The following GALNT17 variants were observed in gnomAD, a reference collection of about 807,000 sequenced individuals.
GALNT17 encodes the protein UDP-GalNAc:polypeptide N-acetylgalactosaminyltransferase-like 3.
In GALNT17, 29 loss-of-function variants were observed where a neutral mutation model predicts 63.7. That is an observed-to-expected ratio of 0.46 (90% confidence interval 0.34 to 0.62). GALNT17 has a LOEUF of 0.62. Among genes scored for constraint, GALNT17 ranks in the 20% least tolerant of loss-of-function variants. The pLI, the probability that GALNT17 is intolerant of heterozygous loss-of-function variation, is 0.01. For synonymous variants in GALNT17, 305 were observed against 318.3 expected (o/e 0.96, Z 0.45); for missense variants, 603 against 799.6 (o/e 0.75, Z 2.97).
intron 1 of GALNT17, among the ~76,000 whole-genome samples, chr7:71,224,887 A>G (rs553750214): frequency 1.3e-5 from 2 of 152,022 alleles, no homozygotes; most frequent in East Asian, 1.9e-4. Flanking sequence ...TGAATATTCA[A>G]CCCATGAACC....
chr7:71,145,647 C>T (rs1008170521), intron 1 of GALNT17, among the ~76,000 whole-genome samples: 10 of 152,142 alleles, frequency 6.6e-5, no homozygotes, highest in African/African-American at 2.4e-4. Flanking sequence ...GGTTTATTTT[C>T]ATTTCTCCCC....
chr7:71,451,530 G>A (rs934449263), intron 5 of GALNT17, among the ~76,000 whole-genome samples: 4 of 151,620 alleles, frequency 2.6e-5, no homozygotes, highest in East Asian at 1.9e-4. Flanking sequence ...CCTTATTCTC[G>A]GTTCCCCTCT....
chr7:71,382,593 G>A (rs773640981), intron 2 of GALNT17, among the ~76,000 whole-genome samples: 15 of 152,100 alleles, frequency 9.9e-5, no homozygotes, highest in Non-Finnish European at 1.5e-4. Flanking sequence ...TGCAGTAACC[G>A]AAACGAGGTG....
At chr7:71,170,737 G>A (rs1392472205) in intron 1 of GALNT17, among the ~76,000 whole-genome samples, 1 of 152,098 alleles carries the variant, frequency 6.6e-6, no homozygotes, top group East Asian at 1.9e-4. Flanking sequence ...ACTGGCAAAG[G>A]GATGGCTGAT....
chr7:71,477,682 C>T (rs1194116037), intron 5 of GALNT17, among the ~76,000 whole-genome samples: 1 of 151,866 alleles, frequency 6.6e-6, no homozygotes, highest in Non-Finnish European at 1.5e-5. Context: ...GGCCAAGATC[C>T]TGTATCTAAA....
intron 2 of GALNT17, among the ~76,000 whole-genome samples, chr7:71,338,574 C>T (rs1450811762): frequency 3.9e-5 from 6 of 152,002 alleles, no homozygotes; most frequent in Non-Finnish European, 8.8e-5. Flanking sequence ...TTATTTTGTG[C>T]TCTCAGATTT....
chr7:71,180,563 C>G (rs1788717692), intron 1 of GALNT17, among the ~76,000 whole-genome samples: 1 of 152,256 alleles, frequency 6.6e-6, no homozygotes, highest in Non-Finnish European at 1.5e-5. Context: ...TCAAGATGCC[C>G]TTGGGAATGT....
At chr7:71,183,720 A>AC (rs1788777414) in intron 1 of GALNT17, among the ~76,000 whole-genome samples, 1 of 152,032 alleles carries the variant, frequency 6.6e-6, no homozygotes, top group African/African-American at 2.4e-5. Flanking sequence ...AACATGGTGA[A>AC]ACCCCCACTG....
chr7:71,312,643 C>T lies in GALNT17; in HGVS notation c.239-22907C>T, dbSNP rs1157077455. Among the ~76,000 whole-genome samples, 6 of 152,166 alleles carry T rather than the reference C, an allele frequency of 3.9e-5. No individual in the cohort carries two copies. The East Asian group carries it at 1.2e-3, about 29-fold the overall frequency. On this transcript the variant is annotated intron_variant, in intron 1 of 10. Coordinates refer to ENST00000333538, the MANE Select transcript of GALNT17 (RefSeq NM_022479.3). ...GTGACCTTCTCACTCCCTCTTCACA[C>T]AGTCTTTGCTCTGTGTGCATATCTC...
chr7:71,281,187 AC>A, intron 1 of GALNT17, among the ~76,000 whole-genome samples: 1 of 152,236 alleles, frequency 6.6e-6, no homozygotes, highest in Non-Finnish European at 1.5e-5. Context: ...AATGTTAAGT[AC>A]CAGGGGCAAC....
Position 71,132,637 on chromosome 7 carries a change from C to A in GALNT17, c.-166C>A. ...CCGTTCTCCCCACCACCAATCCGAC[C>A]TCCCAGCCGTCTCCGCCGCCCGAGC... On this transcript the variant is annotated 5_prime_UTR_variant, in exon 1 of 11. Transcript: ENST00000333538. The A allele has an allele frequency of 1.7e-6, 1 of 600,118 alleles. No individual in the cohort carries two copies. Among genetic ancestry groups the A allele is most frequent in the South Asian group, 2.1e-5 (1 of 47,858 alleles). 37.2% of individuals were successfully genotyped at this position (600,118 alleles called of 1,614,324 possible). A position where few individuals can be genotyped will look rare whatever the true frequency, so the allele number is the denominator to read the frequency against.
intron 9 of GALNT17, among the ~76,000 whole-genome samples, chr7:71,707,958 A>G (rs1047215296): frequency 6.6e-6 from 1 of 152,212 alleles, no homozygotes; most frequent in South Asian, 2.1e-4. Flanking sequence ...CCATGGGTGT[A>G]TAGAAGGAAT....
chr7:71,331,047 C>G (rs1412968345), intron 1 of GALNT17, among the ~76,000 whole-genome samples: 1 of 152,200 alleles, frequency 6.6e-6, no homozygotes, highest in Non-Finnish European at 1.5e-5. Context: ...CCACTGGACT[C>G]TGACGCCATC....
chr7:71,446,466 T>G (rs575064550), intron 5 of GALNT17, among the ~76,000 whole-genome samples: 1 of 152,354 alleles, frequency 6.6e-6, no homozygotes, highest in East Asian at 1.9e-4. Flanking sequence ...TATTTTCATA[T>G]AAACATTTTG....
chr7:71,488,717 C>G (rs774335673), intron 5 of GALNT17, among the ~76,000 whole-genome samples: 1 of 150,810 alleles, frequency 6.6e-6, no homozygotes, highest in Non-Finnish European at 1.5e-5. Flanking sequence ...TAGCTTGGGA[C>G]TACAGGCGAG....
intron 6 of GALNT17, among the ~76,000 whole-genome samples, chr7:71,603,026 C>T (rs1789988667): frequency 6.6e-6 from 1 of 152,038 alleles, no homozygotes; most frequent in Admixed American, 6.6e-5. Flanking sequence ...GTGCTAAGTG[C>T]ATATACCAGT....
chr7:71,359,563 A>T (rs1464296043), intron 2 of GALNT17, among the ~76,000 whole-genome samples: 1 of 151,772 alleles, frequency 6.6e-6, no homozygotes, highest in African/African-American at 2.4e-5. Context: ...TATCCAAAAC[A>T]TAGCATATAA....
intron 2 of GALNT17, among the ~76,000 whole-genome samples, chr7:71,386,910 TATAAC>T (rs1360217861): frequency 6.6e-6 from 1 of 152,178 alleles, no homozygotes; most frequent in Non-Finnish European, 1.5e-5. Flanking sequence ...GAACCTCTAG[TATAAC>T]ATAATACAGA....
intron 1 of GALNT17, among the ~76,000 whole-genome samples, chr7:71,180,404 G>A (rs1202902861): frequency 1.3e-5 from 2 of 152,084 alleles, no homozygotes; most frequent in Non-Finnish European, 2.9e-5. Context: ...TAGGATTACA[G>A]GCGTGAACCA....
Sources: allele counts gnomAD v4.1 joint callset (sites outside exome capture counted in the v4.1 genomes callset), GRCh38; gene constraint gnomAD v4.1.1; transcripts MANE v1.5; gene names NCBI Gene and HGNC (gene_info 2026-07-23, HGNC 2026-07-21).